The following ECH1 variants were observed in gnomAD, a reference collection of about 807,000 sequenced individuals.
The protein encoded by ECH1 is enoyl-CoA hydratase 1.
ECH1 carries 30 observed loss-of-function variants against 37.0 expected under a neutral mutation model. The observed-to-expected ratio is 0.81, with a 90% CI of 0.61 to 1.10. The LOEUF is 1.10. Ranked by LOEUF, ECH1 falls within the 50% of genes least tolerant of loss-of-function variation. The pLI, the probability that ECH1 is intolerant of heterozygous loss-of-function variation, is 0.00. For missense variants in ECH1, 456 were observed against 441.6 expected (o/e 1.03, Z -0.29); for synonymous variants, 178 against 176.0 (o/e 1.01, Z -0.09).
At chr19:38,831,544 A>G (rs1262725775) in intron 1 of ECH1, 28 bp from the exon 2 acceptor site, 1 of 1,597,064 alleles carries the variant, frequency 6.3e-7, no homozygotes, top group East Asian at 2.3e-5. Context: ...GCCTTTGATG[A>G]CCCCAGACTG....
Position 38,831,144 on chromosome 19 carries a change from T to G in ECH1, c.283A>C (p.Lys95Gln). The G allele has an allele frequency of 6.2e-7, 1 of 1,614,062 alleles. No individual in the cohort carries two copies. The highest frequency in any genetic ancestry group is 8.5e-7 in the Non-Finnish European group (1 of 1,180,022). The change falls in exon 3 of 10, where the codon AAG becomes CAG. Residue 95 changes from lysine (K) to glutamine (Q), a missense_variant. By Grantham distance (53) the Lys-to-Gln change is moderately conservative. Coordinates refer to ENST00000221418, the MANE Select transcript of ECH1 (RefSeq NM_001398.3). ...CGACAGTCAGCGTCTCTCGAAATCT[T>G]GTTGAAGCACTCTACCATCTCTCTG... ...FWREMVECFN[K>Q]ISRDADCRAV...
At chr19:38,821,712 C>T (rs113337307) in intron 3 of ECH1, among the ~76,000 whole-genome samples, 11,146 of 152,230 alleles carry the variant, frequency 0.073, 1,158 homozygotes, top group African/African-American at 0.24. Flanking sequence ...GAATACTTGC[C>T]GGGCCTCAGC....
At chr19:38,815,747 G>A in intron 9 of ECH1, 30 bp from the exon 10 acceptor site, 1 of 1,614,044 alleles carries the variant, frequency 6.2e-7, no homozygotes, top group Admixed American at 1.7e-5. Context: ...GAGAGAACGA[G>A]GAGAGAGATT....
In ECH1 at chr19:38,828,764, C is replaced by T. The variant is rs147995927; in HGVS notation, c.349+2314G>A. On this transcript the variant is annotated intron_variant, in intron 3 of 9. Transcript: ENST00000221418. ...CCGAGTAGCTGGGACTAAAGGTGCCCGCCACCATGCCTGGCTAATATTCTT... is the reference window on the plus strand; with the variant it reads ...CCGAGTAGCTGGGACTAAAGGTGCCTGCCACCATGCCTGGCTAATATTCTT... 3.7e-3 allele frequency among the ~76,000 whole-genome samples: 564 copies of T among 151,942 alleles called. 4 individuals carry two copies. Among genetic ancestry groups the T allele is most frequent in the African/African-American group, 0.012 (515 of 41,476 alleles).
rs1640505439 is a variant in ECH1, at chr19:38,815,510, G to C, written c.*103C>G. 9.3e-7 allele frequency: 1 copy of C among 1,078,056 alleles called. No homozygotes were observed. Among genetic ancestry groups the C allele is most frequent in the African/African-American group, 1.6e-5 (1 of 63,860 alleles). The allele number at this position is 1,078,056 out of a possible 1,614,324, so 66.8% of individuals were successfully genotyped here. On this transcript the variant is annotated 3_prime_UTR_variant, in exon 10 of 10. Transcript: ENST00000221418. ...TCATAAAGTTATAAACTGGGAAACT[G>C]GGTCAGAAGGCATAGAAACAACTGT...
chr19:38,818,877 C>T (rs1971616559), intron 3 of ECH1, among the ~76,000 whole-genome samples: 1 of 150,318 alleles, frequency 6.7e-6, no homozygotes, highest in South Asian at 2.1e-4. Context: ...CAACCTGTTA[C>T]TTTGGGCACA....
intron 8 of ECH1, 114 bp downstream of exon 8, chr19:38,816,170 A>G (rs1258707285): frequency 1.3e-6 from 2 of 1,486,940 alleles, no homozygotes; most frequent in Non-Finnish European, 1.8e-6. Context: ...TGAGCTCACC[A>G]AGAAAGGATG....
At position 38,830,414 on chromosome 19, in the gene ECH1, C is replaced by A. The variant is rs906026092; in HGVS notation, c.349+664G>T. On this transcript the variant is annotated intron_variant, in intron 3 of 9. Coordinates refer to ENST00000221418, the MANE Select transcript of ECH1 (RefSeq NM_001398.3). ...CACAGATCCAGGATGGAAACCTAGACTTCAGAGCCTATGATCCCATCGTGT... is the reference window on the plus strand; with the variant it reads ...CACAGATCCAGGATGGAAACCTAGAATTCAGAGCCTATGATCCCATCGTGT... Among the ~76,000 whole-genome samples the A allele has an allele frequency of 2.0e-5, 3 of 152,188 alleles. No homozygotes were observed. The South Asian group carries it at 6.2e-4, about 31-fold the overall frequency.
In ECH1 at chr19:38,815,730, G is replaced by T; in HGVS notation, c.883-13C>A. ...TGTTCCAGGACGCCTGGTACCGAGG[G>T]TGTTGAGAGAGAACGAGGAGAGAGA... On this transcript the variant is annotated splice_polypyrimidine_tract_variant and intron_variant, in intron 9 of 9. Coordinates refer to ENST00000221418, the MANE Select transcript of ECH1 (RefSeq NM_001398.3). 6.2e-7 allele frequency: 1 copy of T among 1,614,130 alleles called. No homozygotes were observed. Among genetic ancestry groups the T allele is most frequent in the South Asian group, 1.1e-5 (1 of 91,056 alleles).
chr19:38,819,750 A>G (rs1971634389), intron 3 of ECH1, among the ~76,000 whole-genome samples: 1 of 152,092 alleles, frequency 6.6e-6, no homozygotes, highest in South Asian at 2.1e-4. Flanking sequence ...TTTTGAGAAC[A>G]GCCTGGGCAA....
intron 3 of ECH1, among the ~76,000 whole-genome samples, chr19:38,823,681 A>G (rs1971697836): frequency 6.6e-6 from 1 of 152,212 alleles, no homozygotes; most frequent in African/African-American, 2.4e-5. Flanking sequence ...GGTCCCGACA[A>G]GACAACAAGT....
chr19:38,821,836 C>A (rs928068762), intron 3 of ECH1, among the ~76,000 whole-genome samples: 1 of 152,240 alleles, frequency 6.6e-6, no homozygotes, highest in African/African-American at 2.4e-5. Context: ...ACCCCCTGCT[C>A]GGCGGCGCCT....
rs1232966883 is a variant in ECH1, at chr19:38,817,369, G to A, written c.475-5C>T. The A allele has an allele frequency of 5.6e-6, 9 of 1,597,448 alleles. No homozygotes were observed. The highest frequency in any genetic ancestry group is 7.7e-6 in the Non-Finnish European group (9 of 1,171,906). On this transcript the variant is annotated splice_polypyrimidine_tract_variant and splice_region_variant and intron_variant, in intron 4 of 9. Coordinates refer to ENST00000221418, the MANE Select transcript of ECH1 (RefSeq NM_001398.3). ...AGCAATCACGGGCTTGGGGCACTGA[G>A]AGGGAACAGGAAGAGTGGGGTCAGG...
intron 3 of ECH1, 78 bp downstream of exon 3, chr19:38,831,000 C>G (rs973706579): frequency 1.5e-6 from 2 of 1,360,614 alleles, no homozygotes; most frequent in South Asian, 1.2e-5. Context: ...GCTTAAAACC[C>G]TAATTCAGAA....
intron 8 of ECH1, 130 bp from the exon 9 acceptor site, chr19:38,816,137 G>C (rs1485225082): frequency 6.8e-7 from 1 of 1,478,012 alleles, no homozygotes; most frequent in Non-Finnish European, 9.1e-7. Flanking sequence ...TCAGAGCAGG[G>C]GGCTGACCCC....
chr19:38,824,470 C>T (rs1288539246), intron 3 of ECH1, among the ~76,000 whole-genome samples: 2 of 152,112 alleles, frequency 1.3e-5, no homozygotes, highest in Non-Finnish European at 2.9e-5. Flanking sequence ...AACAGGCTCA[C>T]CCTTGAAATG....
intron 3 of ECH1, among the ~76,000 whole-genome samples, chr19:38,818,932 T>TGTGCGCGCGCGCGCGCAC (rs144733422): frequency 7.0e-6 from 1 of 142,752 alleles, no homozygotes; most frequent in Non-Finnish European, 1.5e-5. Flanking sequence ...TGTGTGTGTG[T>TGTGCGCGCGCGCGCGCAC]GCACTGTTCC....
chr19:38,826,251 C>T (rs541236569), intron 3 of ECH1, among the ~76,000 whole-genome samples: 1 of 152,278 alleles, frequency 6.6e-6, no homozygotes, highest in South Asian at 2.1e-4. Context: ...CATTTGTTGT[C>T]CCCCTACTTG....
intron 3 of ECH1, among the ~76,000 whole-genome samples, chr19:38,828,777 G>C (rs923309867): frequency 6.6e-6 from 1 of 151,454 alleles, no homozygotes; most frequent in African/African-American, 2.4e-5. Flanking sequence ...CACCATGCCT[G>C]GCTAATATTC....
Sources: gnomAD v4.1 joint callset for allele counts (sites outside exome capture counted in the v4.1 genomes callset) on GRCh38, gnomAD v4.1.1 for gene constraint, MANE v1.5 for transcripts, NCBI Gene and HGNC (gene_info 2026-07-23, HGNC 2026-07-21) for gene names.